The following SAMSN1 variants were observed in gnomAD, a reference collection of about 807,000 sequenced individuals.
The protein encoded by SAMSN1 is SAM domain, SH3 domain and nuclear localization signals 1.
Under a neutral mutation model 42.0 loss-of-function variants are expected in SAMSN1, and 31 were observed. The ratio of observed to expected loss-of-function variants is 0.74; its 90% CI spans 0.55 to 1.00. The LOEUF is 1.00. Among genes scored for constraint, SAMSN1 ranks in the 50% least tolerant of loss-of-function variants. SAMSN1 has a pLI of 0.00. For missense variants in SAMSN1, 464 were observed against 439.4 expected (o/e 1.06, Z -0.50); for synonymous variants, 178 against 151.9 (o/e 1.17, Z -1.26).
At chr21:14,520,152 C>T (rs954343589) in intron 2 of SAMSN1, among the ~76,000 whole-genome samples, 12 of 152,106 alleles carry the variant, frequency 7.9e-5, no homozygotes, top group Non-Finnish European at 1.0e-4. Context: ...GAAATTATTA[C>T]GTAAACTTTA....
chr21:14,643,824 C>A (rs995669177), intron 1 of SAMSN1, among the ~76,000 whole-genome samples: 1 of 152,182 alleles, frequency 6.6e-6, no homozygotes, highest in South Asian at 2.1e-4. Flanking sequence ...CCTACCGTGG[C>A]ACCTGCGGCC....
intron 7 of SAMSN1, among the ~76,000 whole-genome samples, chr21:14,495,289 T>C (rs1986872206): frequency 6.6e-6 from 1 of 152,134 alleles, no homozygotes; most frequent in Non-Finnish European, 1.5e-5. Flanking sequence ...GAGTAGAAAA[T>C]AGATAAAAAT....
At chr21:14,546,473 T>C (rs1980399601), upstream of SAMSN1, 2 of 636,104 alleles carry the variant, frequency 3.1e-6, no homozygotes, top group Non-Finnish European at 4.7e-6. Flanking sequence ...ATTGTCTTGC[T>C]ATTTTCTATG....
chr21:14,610,828 A>T (rs1177088649), intron 4 of SAMSN1, among the ~76,000 whole-genome samples: 2 of 152,256 alleles, frequency 1.3e-5, no homozygotes, highest in African/African-American at 4.8e-5. Flanking sequence ...CATGAACTAC[A>T]TAGGCACTTC....
At chr21:14,583,564 G>A (rs142222040), upstream of SAMSN1, 61 of 654,296 alleles carry the variant, frequency 9.3e-5, no homozygotes, top group African/African-American at 9.8e-4. Context: ...ATTATCTTAA[G>A]ACTTTATCAA....
chr21:14,599,292 T>G (rs1419535017), intron 6 of SAMSN1, among the ~76,000 whole-genome samples: 1 of 151,988 alleles, frequency 6.6e-6, no homozygotes, highest in African/African-American at 2.4e-5. Context: ...CATGCTGCTG[T>G]CATAATAATG....
chr21:14,621,595 G>GGAGGGGCACCCACCATTGCT (rs199797741), intron 2 of SAMSN1, among the ~76,000 whole-genome samples: 1 of 151,562 alleles, frequency 6.6e-6, no homozygotes, highest in Non-Finnish European at 1.5e-5. Flanking sequence ...AGAGGCTGGG[G>GGAGGGGCACCCACCATTGCT]GAGGCTTGAG....
intron 3 of SAMSN1, among the ~76,000 whole-genome samples, chr21:14,516,644 G>A (rs1376874013): frequency 2.0e-5 from 3 of 152,094 alleles, no homozygotes; most frequent in South Asian, 2.1e-4. Flanking sequence ...TTCCCGCCAC[G>A]GCCTCCAAAG....
chr21:14,576,567 T>C (rs1981472823), intron 2 of SAMSN1, among the ~76,000 whole-genome samples: 1 of 152,190 alleles, frequency 6.6e-6, no homozygotes. Flanking sequence ...ACTGAAAGAA[T>C]TGTAAAACCT....
At chr21:14,561,681 T>A (rs1980951783) in intron 2 of SAMSN1, among the ~76,000 whole-genome samples, 1 of 152,178 alleles carries the variant, frequency 6.6e-6, no homozygotes, top group Non-Finnish European at 1.5e-5. Flanking sequence ...GAAATACGAT[T>A]GTTGCCAACA....
intron 4 of SAMSN1, 22 bp from the exon 5 acceptor site, chr21:14,510,483 A>C: frequency 6.2e-7 from 1 of 1,613,824 alleles, no homozygotes. Flanking sequence ...AGAAGTTCAC[A>C]GTTGTCATGG....
upstream of SAMSN1, among the ~76,000 whole-genome samples, chr21:14,588,067 G>A (rs1175228704): frequency 1.4e-5 from 2 of 139,804 alleles, no homozygotes; most frequent in East Asian, 2.1e-4. Context: ...CCCTACAAAG[G>A]ACATGAACTC....
chr21:14,611,317 T>C (rs1982701485), intron 4 of SAMSN1, among the ~76,000 whole-genome samples: 1 of 152,244 alleles, frequency 6.6e-6, no homozygotes, highest in South Asian at 2.1e-4. Flanking sequence ...CCTGGACATG[T>C]GAAGAAATGA....
intron 2 of SAMSN1, among the ~76,000 whole-genome samples, chr21:14,634,871 A>T (rs1357719446): frequency 6.6e-6 from 1 of 152,242 alleles, no homozygotes; most frequent in South Asian, 2.1e-4. Context: ...TGTTATAAAG[A>T]TACATGGACA....
At position 14,490,867 on chromosome 21, in the gene SAMSN1, C is replaced by T. The variant is rs545524248; in HGVS notation, c.920-4753G>A. 5.3e-4 allele frequency among the ~76,000 whole-genome samples: 80 copies of T among 152,280 alleles called. 2 individuals are homozygous for T. In the South Asian group the frequency reaches 0.014, roughly 26 times the overall value. ...TCGCTTTCAGCTAGGGCAATCTCCA[C>T]TTCCACTGTGCTAGGAACTTCAGCA... On this transcript the variant is annotated intron_variant, in intron 7 of 7. Coordinates refer to ENST00000400566, the MANE Select transcript of SAMSN1 (RefSeq NM_022136.5).
At chr21:14,574,312 A>G (rs1416133393) in intron 2 of SAMSN1, among the ~76,000 whole-genome samples, 1 of 152,186 alleles carries the variant, frequency 6.6e-6, no homozygotes, top group Admixed American at 6.6e-5. Flanking sequence ...ATCTTATTTC[A>G]TGATCATAGG....
intron 2 of SAMSN1, among the ~76,000 whole-genome samples, chr21:14,557,941 G>A (rs530241627): frequency 8.5e-5 from 13 of 152,110 alleles, no homozygotes; most frequent in South Asian, 8.3e-4. Context: ...CCACCTGTCC[G>A]TGGAGGTCCT....
chr21:14,593,516 G>C (rs1303955197), intron 7 of SAMSN1, among the ~76,000 whole-genome samples: 2 of 151,986 alleles, frequency 1.3e-5, no homozygotes, highest in African/African-American at 4.8e-5. Flanking sequence ...ATATCATAAG[G>C]GAGAGCTGGC....
chr21:14,632,241 C>T (rs1983349434), intron 2 of SAMSN1, among the ~76,000 whole-genome samples: 1 of 151,946 alleles, frequency 6.6e-6, no homozygotes, highest in African/African-American at 2.4e-5. Context: ...TATACTGTGC[C>T]TTCTCGGTGT....
Sources: gnomAD v4.1 joint callset for allele counts (sites outside exome capture counted in the v4.1 genomes callset) on GRCh38, gnomAD v4.1.1 for gene constraint, MANE v1.5 for transcripts, NCBI Gene and HGNC (gene_info 2026-07-23, HGNC 2026-07-21) for gene names.